NAV3: variants seen among roughly 807,000 people sequenced by gnomAD.
The protein encoded by NAV3 is neuron navigator 3, also known as pore membrane and/or filament interacting like protein 1.
A neutral mutation model predicts 244.7 loss-of-function variants in NAV3; 87 were observed. The ratio of observed to expected loss-of-function variants is 0.36; its 90% CI spans 0.30 to 0.42. NAV3 has a LOEUF of 0.42. Ranked by LOEUF, NAV3 falls within the 20% of genes least tolerant of loss-of-function variation. NAV3 has a pLI of 1.00. For synonymous variants in NAV3, 1,126 were observed against 1,042.2 expected, an observed-to-expected ratio of 1.08 and a Z score of -1.55; for missense variants, 2,663 against 2,893.3, an observed-to-expected ratio of 0.92 and a Z score of 1.83.
At chr12:78,022,971 A>G (rs530457520) in intron 9 of NAV3, among the ~76,000 whole-genome samples, 1 of 152,302 alleles carries the variant, frequency 6.6e-6, no homozygotes, top group Non-Finnish European at 1.5e-5. Flanking sequence ...ACACAGATAT[A>G]GGGCTAATAA....
chr12:78,175,526 G>T, intron 25 of NAV3, 99 bp downstream of exon 25: 1 of 1,463,262 alleles, frequency 6.8e-7, no homozygotes, highest in South Asian at 1.2e-5. Flanking sequence ...GTTTACAAAG[G>T]GTCCCATTCA....
At chr12:78,102,662 T>C (rs1293907159) in intron 12 of NAV3, among the ~76,000 whole-genome samples, 2 of 152,214 alleles carry the variant, frequency 1.3e-5, no homozygotes, top group Non-Finnish European at 1.5e-5. Context: ...CAGAAAACTC[T>C]TTCCTGGGCA....
At chr12:78,102,338 C>T (rs1247571378) in intron 12 of NAV3, among the ~76,000 whole-genome samples, 1 of 152,202 alleles carries the variant, frequency 6.6e-6, no homozygotes, top group Non-Finnish European at 1.5e-5. Context: ...TCTTTTGACT[C>T]CATGTCTCAC....
At chr12:77,628,901 C>G (rs61932075) in intron 2 of NAV3, among the ~76,000 whole-genome samples, 2 of 114,980 alleles carry the variant, frequency 1.7e-5, no homozygotes, top group Admixed American at 7.8e-5. Flanking sequence ...GACCCTGTCT[C>G]CAAAAAAAAA....
At chr12:77,918,389 T>A (rs550196483) in intron 1 of NAV3, among the ~76,000 whole-genome samples, 1 of 152,160 alleles carries the variant, frequency 6.6e-6, no homozygotes, top group East Asian at 1.9e-4. Context: ...AGGGACCTTT[T>A]TAGGTCAGGC....
chr12:77,949,798 CA>C (rs1281713268), intron 3 of NAV3, among the ~76,000 whole-genome samples: 2 of 152,000 alleles, frequency 1.3e-5, no homozygotes, highest in Non-Finnish European at 2.9e-5. Context: ...TAGTATTATA[CA>C]GAGAAGTTTT....
intron 2 of NAV3, among the ~76,000 whole-genome samples, chr12:77,573,197 T>G (rs1868913358): frequency 6.6e-6 from 1 of 152,164 alleles, no homozygotes; most frequent in Admixed American, 6.5e-5. Flanking sequence ...TCTTAGAAAT[T>G]TTGTTTACTG....
rs754935906 is a variant in NAV3, at chr12:78,188,330, G to C, written c.5873G>C (p.Arg1958Thr). The C allele has an allele frequency of 3.0e-5, 48 of 1,610,474 alleles. No homozygotes were observed. In the Admixed American group the frequency reaches 8.0e-4, roughly 27 times the overall value. ...TGGGATGTCTTAGATGGTGTAATAA[G>C]ACGTCTCTTTAAGGTATGTTGTGCA... ...TKWDVLDGVI[R>T]RLFKEYVFRI... The change falls in exon 32 of 40, where the codon AGA becomes ACA. Residue 1958 changes from arginine to threonine, a missense_variant. Around this residue, in one of 6 missense-constraint regions of NAV3, gnomAD observed 543 missense variants for 672.4 expected, o/e 0.81. Transcript: ENST00000397909.
At chr12:77,911,280 T>C (rs1886558409) in intron 1 of NAV3, among the ~76,000 whole-genome samples, 1 of 152,108 alleles carries the variant, frequency 6.6e-6, no homozygotes, top group African/African-American at 2.4e-5. Context: ...CTTTGGAAAT[T>C]CCAGAATTCC....
intron 2 of NAV3, among the ~76,000 whole-genome samples, chr12:77,815,999 A>T (rs1872514599): frequency 6.6e-6 from 1 of 152,170 alleles, no homozygotes; most frequent in South Asian, 2.1e-4. Flanking sequence ...ATGATTTTAG[A>T]GGACAGGGAG....
At chr12:78,185,794 T>C in intron 31 of NAV3, 96 bp downstream of exon 31, 4 of 1,023,384 alleles carry the variant, frequency 3.9e-6, no homozygotes, top group Non-Finnish European at 5.8e-6. Flanking sequence ...GTAAATATCC[T>C]ACAACAATTG....
chr12:77,866,727 AT>A (rs1221323747), intron 1 of NAV3, among the ~76,000 whole-genome samples: 6 of 152,224 alleles, frequency 3.9e-5, no homozygotes, highest in Non-Finnish European at 8.8e-5. Flanking sequence ...TTGTTCTTGT[AT>A]AACTTCATGA....
rs1593487832 is a variant in NAV3, at chr12:78,076,947, C to G, written c.2636+17832C>G. On this transcript the variant is annotated intron_variant, in intron 12 of 39. Transcript: ENST00000397909. ...TACTAGGATATCTGATGGTAATTTA[C>G]TTTAGAAATTCTGCTTAAAGTATCT... Among the ~76,000 whole-genome samples, 4 of 152,026 alleles carry G rather than the reference C, an allele frequency of 2.6e-5. No individual in the cohort carries two copies. The South Asian group carries it at 8.3e-4, about 32-fold the overall frequency.
intron 23 of NAV3, among the ~76,000 whole-genome samples, chr12:78,162,889 A>G (rs1957612225): frequency 7.7e-6 from 1 of 130,702 alleles, no homozygotes; most frequent in East Asian, 2.1e-4. Context: ...TATAATATAT[A>G]TAATATATAT....
intron 2 of NAV3, among the ~76,000 whole-genome samples, chr12:77,792,243 C>T (rs1345346952): frequency 6.6e-6 from 1 of 152,172 alleles, no homozygotes; most frequent in Non-Finnish European, 1.5e-5. Flanking sequence ...AAGTTCAGTT[C>T]ACAAACTCAG....
intron 30 of NAV3, 85 bp from the exon 31 acceptor site, chr12:78,185,516 A>G: frequency 8.5e-7 from 1 of 1,178,570 alleles, no homozygotes; most frequent in East Asian, 2.6e-5. Flanking sequence ...AAAGATATAA[A>G]ACTATGAGGG....
chr12:78,203,642 A>G (rs539320995), intron 38 of NAV3, among the ~76,000 whole-genome samples: 196 of 152,160 alleles, frequency 1.3e-3, no homozygotes, highest in African/African-American at 4.5e-3. Context: ...TACTGAACCA[A>G]AACAAACTAT....
chr12:77,940,088 A>G (rs564525523), intron 1 of NAV3, among the ~76,000 whole-genome samples: 5 of 152,324 alleles, frequency 3.3e-5, no homozygotes, highest in Admixed American at 1.3e-4. Context: ...CTTTGTCACA[A>G]GTGACTAGCC....
chr12:78,111,517 C>T lies in NAV3; in HGVS notation c.2637-5255C>T, dbSNP rs187371413. 1.5e-3 allele frequency among the ~76,000 whole-genome samples: 225 copies of T among 152,030 alleles called. 4 individuals carry two copies. Among genetic ancestry groups the T allele is most frequent in the Admixed American group, 0.014 (215 of 15,266 alleles). On this transcript the variant is annotated intron_variant, in intron 12 of 39. Transcript: ENST00000397909. ...TCCAATAAATACATGTAACAATGTT[C>T]GACATCGTTAGTCATCAGAGAAATA...
Sources: allele counts gnomAD v4.1 joint callset (sites outside exome capture counted in the v4.1 genomes callset), GRCh38; gene constraint gnomAD v4.1.1; regional missense constraint gnomAD v4.1.1; transcripts MANE v1.5; gene names NCBI Gene and HGNC (gene_info 2026-07-23, HGNC 2026-07-21).